The following PML variants were observed in gnomAD, a reference collection of about 807,000 sequenced individuals.
PML encodes the protein protein PML.
Under a neutral mutation model 65.2 loss-of-function variants are expected in PML, and 28 were observed. The observed-to-expected ratio is 0.43, with a 90% CI of 0.32 to 0.59. The LOEUF (loss-of-function observed/expected upper bound fraction) is 0.59, where lower values mean the gene tolerates loss of function less well. PML is among the 20% of genes least tolerant of loss of function. The probability of loss-of-function intolerance (pLI) is 0.08; values close to 1 mark genes in which losing one functional copy is unlikely to be tolerated. For synonymous variants in PML, 500 were observed against 508.8 expected, an observed-to-expected ratio of 0.98 and a Z score of 0.23; for missense variants, 1,021 against 1,203.4, an observed-to-expected ratio of 0.85 and a Z score of 2.24.
At chr15:73,998,864 A>ATC in intron 2 of PML, among the ~76,000 whole-genome samples, 1 of 152,162 alleles carries the variant, frequency 6.6e-6, no homozygotes, top group East Asian at 1.9e-4. Flanking sequence ...CTGACACGGA[A>ATC]TCTCAGTAAG....
At position 74,043,876 on chromosome 15, in the gene PML, A is replaced by G; in HGVS notation, c.1862-345A>G. 1 of 515,846 alleles carries G rather than the reference A, an allele frequency of 1.9e-6. No individual in the cohort carries two copies. The allele number at this position is 515,846 out of a possible 1,614,324, so 32.0% of individuals were successfully genotyped here. A position where few individuals can be genotyped will look rare whatever the true frequency, so the allele number is the denominator to read the frequency against. On this transcript the variant is annotated intron_variant, in intron 8 of 8. Transcript: ENST00000268058. The surrounding 1 kb of genome is among the most constrained non-coding windows in gnomAD (Gnocchi z 4.3). ...GAGCATGGGATGGAGAGCTAAGTTC[A>G]AGCAGCCTGGGATCTCTAGTATAGG...
At chr15:74,040,033 T>C (rs973093209) in intron 7 of PML, among the ~76,000 whole-genome samples, 1 of 152,202 alleles carries the variant, frequency 6.6e-6, no homozygotes, top group Non-Finnish European at 1.5e-5. Context: ...GTGAGATGGA[T>C]GTAGCTCATG....
In PML at chr15:74,046,821, TG is replaced by T. The variant is rs1412876062; in HGVS notation, c.*1814del. The T allele has an allele frequency of 3.0e-5, 7 of 230,872 alleles. No individual in the cohort carries two copies. The highest frequency in any genetic ancestry group is 1.1e-4 in the Admixed American group (2 of 17,690). The allele number at this position is 230,872 out of a possible 1,614,324, so 14.3% of individuals were successfully genotyped here. A position where few individuals can be genotyped will look rare whatever the true frequency, so the allele number is the denominator to read the frequency against. On this transcript the variant is annotated 3_prime_UTR_variant, in exon 9 of 9. Coordinates refer to ENST00000268058, the MANE Select transcript of PML (RefSeq NM_033238.3). ...TGCTCAGCATCCCCAGAGGAACCAC[TG>T]AGAAGCCTTTTGCCTGGATAGGAGG...
intron 2 of PML, among the ~76,000 whole-genome samples, chr15:74,017,881 A>C (rs1328481839): frequency 2.0e-5 from 3 of 152,046 alleles, no homozygotes; most frequent in African/African-American, 7.2e-5. Context: ...TAGGCCTGAA[A>C]TCGCAGCACT....
In PML at chr15:74,032,561, C is replaced by G. The variant is rs372403932; in HGVS notation, c.1255-11C>G. The G allele has an allele frequency of 6.1e-5, 99 of 1,613,890 alleles. No individual in the cohort carries two copies. The highest frequency in any genetic ancestry group is 7.7e-5 in the Non-Finnish European group (91 of 1,179,964). On this transcript the variant is annotated splice_polypyrimidine_tract_variant and intron_variant, in intron 4 of 8. Transcript: ENST00000268058. ...CTAGTCATTTCTGACTCAATTTTCC[C>G]AACTTTGCAGCCCGAGGAGGCAGAG...
chr15:74,036,638 A>G (rs949308549), intron 7 of PML, among the ~76,000 whole-genome samples: 3 of 151,822 alleles, frequency 2.0e-5, no homozygotes, highest in African/African-American at 4.8e-5. Flanking sequence ...GGTGGGCCCC[A>G]TGCTCCCCAG....
chr15:74,015,906 TTGGCATAGCAGTTTAGACA>T (rs1439880671), intron 2 of PML, among the ~76,000 whole-genome samples: 1 of 152,206 alleles, frequency 6.6e-6, no homozygotes, highest in African/African-American at 2.4e-5. Flanking sequence ...CATACCACTC[TTGGCATAGCAGTTTAGACA>T]TGGACAGCTT....
chr15:74,000,175 C>T (rs1203841950), intron 2 of PML, among the ~76,000 whole-genome samples: 5 of 152,164 alleles, frequency 3.3e-5, no homozygotes, highest in African/African-American at 9.7e-5. Context: ...ATGTTTTGAA[C>T]GTGATAATGC....
Position 74,035,778 on chromosome 15 carries a change from A to T in PML, c.1710+1248A>T. 6.2e-7 allele frequency: 1 copy of T among 1,614,130 alleles called. No individual in the cohort carries two copies. The highest frequency in any genetic ancestry group is 8.5e-7 in the Non-Finnish European group (1 of 1,180,018). On this transcript the variant is annotated intron_variant, in intron 7 of 8. Coordinates refer to ENST00000268058, the MANE Select transcript of PML (RefSeq NM_033238.3). This position sits in a 1 kb window ranked among gnomAD's most constrained non-coding sequence, Gnocchi z 4.1. ...TTCCGTGGTGGGGGCAGGGGAAAGCAGAGCCCAGACTCTTGGAGCAGGTGT... is the reference window on the plus strand; with the variant it reads ...TTCCGTGGTGGGGGCAGGGGAAAGCTGAGCCCAGACTCTTGGAGCAGGTGT...
Position 74,044,320 on chromosome 15 carries a change from C to A in PML, c.1961C>A (p.Ser654Tyr), listed in dbSNP as rs773166495. Residue 654 changes from serine to tyrosine, a missense_variant, in exon 9 of 9, where the codon TCC becomes TAC. Physicochemically the swap from Ser to Tyr is moderately radical, Grantham distance 144. Coordinates refer to ENST00000268058, the MANE Select transcript of PML (RefSeq NM_033238.3). ...AFFSIYSKAV[S>Y]LEVGLQHFLS... is the part of the protein sequence containing the mutation. ...TTCAGCATCTACTCCAAGGCCGTGT[C>A]CCTGGAGGTGGGGCTGCAGCACTTC... The A allele has an allele frequency of 1.2e-6, 2 of 1,614,060 alleles. No individual in the cohort carries two copies. Among genetic ancestry groups the A allele is most frequent in the African/African-American group, 2.7e-5 (2 of 74,936 alleles).
chr15:74,018,756 T>C (rs201054215), intron 2 of PML, among the ~76,000 whole-genome samples: 2 of 152,384 alleles, frequency 1.3e-5, no homozygotes, highest in East Asian at 3.9e-4. Flanking sequence ...TTAATTATTA[T>C]GTAATCTAGC....
At chr15:74,018,646 T>C (rs762967307) in intron 2 of PML, among the ~76,000 whole-genome samples, 8 of 152,236 alleles carry the variant, frequency 5.3e-5, no homozygotes, top group Non-Finnish European at 1.2e-4. Flanking sequence ...CATGGCTTTG[T>C]AGAATTTTTT....
At chr15:74,038,416 T>G (rs1451364343) in intron 7 of PML, among the ~76,000 whole-genome samples, 1 of 152,070 alleles carries the variant, frequency 6.6e-6, no homozygotes, top group African/African-American at 2.4e-5. Flanking sequence ...GAGCTCACAT[T>G]AGAGAGCAGG....
chr15:74,003,651 A>AT (rs66526977), intron 2 of PML, among the ~76,000 whole-genome samples: 94 of 151,794 alleles, frequency 6.2e-4, no homozygotes, highest in Non-Finnish European at 1.0e-3. Context: ...CAAATTGTTA[A>AT]TTTTTTTTTC....
chr15:74,024,355 A>C (rs949265148), intron 3 of PML, among the ~76,000 whole-genome samples: 3 of 152,122 alleles, frequency 2.0e-5, no homozygotes, highest in African/African-American at 7.2e-5. Flanking sequence ...AGTGAATGTC[A>C]CCCATATTAA....
intron 2 of PML, among the ~76,000 whole-genome samples, chr15:74,003,350 T>G (rs1368048089): frequency 6.6e-6 from 1 of 151,982 alleles, no homozygotes; most frequent in Non-Finnish European, 1.5e-5. Flanking sequence ...GAGAATTGCT[T>G]GAAACTGGAA....
chr15:74,003,172 G>A (rs900476841), intron 2 of PML, among the ~76,000 whole-genome samples: 3 of 151,364 alleles, frequency 2.0e-5, no homozygotes, highest in Non-Finnish European at 4.4e-5. Flanking sequence ...AGTGGCTCAC[G>A]CTTGTAATCC....
intron 2 of PML, among the ~76,000 whole-genome samples, chr15:74,017,093 G>A (rs768096874): frequency 7.9e-5 from 12 of 151,196 alleles, no homozygotes; most frequent in African/African-American, 1.7e-4. Flanking sequence ...CGCCGCGCCC[G>A]GCCGGGCAGT....
intron 4 of PML, among the ~76,000 whole-genome samples, chr15:74,030,273 A>T (rs1228037067): frequency 6.6e-6 from 1 of 152,218 alleles, no homozygotes; most frequent in Non-Finnish European, 1.5e-5. Context: ...AAAGAGAGAA[A>T]GATGGTGGGG....
Sources: allele counts gnomAD v4.1 joint callset (sites outside exome capture counted in the v4.1 genomes callset), GRCh38; gene constraint gnomAD v4.1.1; non-coding constraint Gnocchi (gnomAD v3.1); transcripts MANE v1.5; gene names NCBI Gene and HGNC (gene_info 2026-07-23, HGNC 2026-07-21).